The following RNF216 variants were observed in gnomAD, a reference collection of about 807,000 sequenced individuals.
RNF216 encodes E3 ubiquitin-protein ligase RNF216.
Under a neutral mutation model 110.8 loss-of-function variants are expected in RNF216, and 72 were observed. The ratio of observed to expected loss-of-function variants is 0.65; its 90% CI spans 0.54 to 0.79. The LOEUF is 0.79. RNF216 is among the 30% of genes least tolerant of loss of function. The probability of loss-of-function intolerance (pLI) is 0.00; values close to 1 mark genes in which losing one functional copy is unlikely to be tolerated. For synonymous variants in RNF216, 495 were observed against 407.5 expected (o/e 1.21, Z -2.59); for missense variants, 1,342 against 1,141.2 (o/e 1.18, Z -2.54).
At chr7:5,671,825 A>C (rs1478272506) in intron 13 of RNF216, among the ~76,000 whole-genome samples, 1 of 151,116 alleles carries the variant, frequency 6.6e-6, no homozygotes, top group Admixed American at 6.6e-5. Flanking sequence ...AAAAAAAAAA[A>C]AAAAGGACAG....
chr7:5,737,381 C>T (rs1026086417), intron 5 of RNF216, among the ~76,000 whole-genome samples: 56 of 152,270 alleles, frequency 3.7e-4, no homozygotes, highest in African/African-American at 1.3e-3. Context: ...GACACAAACA[C>T]TGCGGAAGAC....
chr7:5,780,446 T>C (rs922816072), intron 1 of RNF216, among the ~76,000 whole-genome samples: 3 of 152,082 alleles, frequency 2.0e-5, no homozygotes, highest in African/African-American at 7.2e-5. Flanking sequence ...GAAAAGACTG[T>C]AGCACTTTGG....
chr7:5,714,133 T>A (rs1458051619), intron 11 of RNF216, among the ~76,000 whole-genome samples: 1 of 152,166 alleles, frequency 6.6e-6, no homozygotes, highest in African/African-American at 2.4e-5. Flanking sequence ...TGGCTAATTT[T>A]TGTATTTTTA....
chr7:5,774,611 C>G (rs944747446), intron 1 of RNF216, among the ~76,000 whole-genome samples: 4 of 151,926 alleles, frequency 2.6e-5, no homozygotes, highest in Non-Finnish European at 5.9e-5. Flanking sequence ...CATTACAAGG[C>G]TATGTTGAAA....
At chr7:5,715,736 CTT>C (rs58929486) in intron 10 of RNF216, among the ~76,000 whole-genome samples, 11 of 113,810 alleles carry the variant, frequency 9.7e-5, no homozygotes, top group African/African-American at 3.3e-4. Flanking sequence ...CCAACTCATT[CTT>C]TTTTTTTTTT....
At chr7:5,725,461 G>T (rs1446288416) in intron 7 of RNF216, 23 bp from the exon 8 acceptor site, 18 of 1,338,852 alleles carry the variant, frequency 1.3e-5, no homozygotes, top group Non-Finnish European at 1.9e-5. Context: ...AAAAGGAAAG[G>T]TTCCTTCTGT....
chr7:5,654,197 G>C (rs1395656115), intron 13 of RNF216, among the ~76,000 whole-genome samples: 1 of 152,200 alleles, frequency 6.6e-6, no homozygotes, highest in African/African-American at 2.4e-5. Flanking sequence ...AAAGGGGACT[G>C]ACTTGAGAGC....
At chr7:5,725,038 C>T (rs1793664194) in intron 8 of RNF216, among the ~76,000 whole-genome samples, 1 of 152,170 alleles carries the variant, frequency 6.6e-6, no homozygotes, top group Non-Finnish European at 1.5e-5. Context: ...AGTTTTTCCC[C>T]CCAAGCTTAA....
In RNF216 at chr7:5,624,190, A is replaced by C; in HGVS notation, c.2383-65T>G. The C allele has an allele frequency of 7.1e-7, 1 of 1,399,522 alleles. No individual in the cohort carries two copies. The highest frequency in any genetic ancestry group is 1.0e-6 in the Non-Finnish European group (1 of 1,000,266). The allele number at this position is 1,399,522 out of a possible 1,614,324, so 86.7% of individuals were successfully genotyped here. ...ATGCAGTGCTGAGGCCCCGTGGGAC[A>C]GTGAGGAGGCCGCTTGTTGCTTATG... On this transcript the variant is annotated intron_variant, in intron 15 of 16. Coordinates refer to ENST00000389902, the MANE Select transcript of RNF216 (RefSeq NM_207111.4). This position sits in a 1 kb window ranked among gnomAD's most constrained non-coding sequence, Gnocchi z 4.4.
At chr7:5,743,504 G>T (rs753867895) in intron 3 of RNF216, among the ~76,000 whole-genome samples, 6 of 152,132 alleles carry the variant, frequency 3.9e-5, no homozygotes, top group Non-Finnish European at 1.5e-5. Flanking sequence ...AGGTAGCTCA[G>T]TCTGTACTGA....
In RNF216 at chr7:5,648,433, T is replaced by C. The variant is rs917232627; in HGVS notation, c.2159+3980A>G. Among the ~76,000 whole-genome samples, 8 of 150,146 alleles carry C rather than the reference T, an allele frequency of 5.3e-5. No individual in the cohort carries two copies. The East Asian group carries it at 1.0e-3, about 19-fold the overall frequency. ...GATCTAAATTTTAATTTATAGAAAA[T>C]TGAAGGGACAGGCCAGGCACGGTGG... is the stretch of plus-strand genomic sequence containing the variant. On this transcript the variant is annotated intron_variant, in intron 14 of 16. Coordinates refer to ENST00000389902, the MANE Select transcript of RNF216 (RefSeq NM_207111.4).
chr7:5,726,196 G>A (rs1467504057), intron 7 of RNF216, among the ~76,000 whole-genome samples: 1 of 152,076 alleles, frequency 6.6e-6, no homozygotes, highest in African/African-American at 2.4e-5. Context: ...ACAATCACTT[G>A]AGCCTGAGAG....
At chr7:5,673,751 C>T (rs887323356) in intron 13 of RNF216, among the ~76,000 whole-genome samples, 1 of 152,132 alleles carries the variant, frequency 6.6e-6, no homozygotes, top group African/African-American at 2.4e-5. Context: ...GTGGTGCGCA[C>T]CTGTAATTCC....
At position 5,660,943 on chromosome 7, in the gene RNF216, G is replaced by GTTTTTTTTTTTTTTTT. The variant is rs1168463360; in HGVS notation, c.2062-8449_2062-8434dup. 6.5e-4 allele frequency among the ~76,000 whole-genome samples: 59 copies of GTTTTTTTTTTTTTTTT among 90,150 alleles called. 2 individuals are homozygous for GTTTTTTTTTTTTTTTT. The highest frequency in any genetic ancestry group is 8.1e-4 in the Non-Finnish European group (41 of 50,450). The allele number at this position is 90,150 out of a possible 152,430, so 59.1% of individuals were successfully genotyped here. ...TAGCTCCATGCTCCTGAAGCCTTAGGTTTTTTTTTTTTTTTTTTTTTTTTT... is the reference window on the plus strand; with the variant it reads ...TAGCTCCATGCTCCTGAAGCCTTAGGTTTTTTTTTTTTTTTTTTTTTTTTTTTTTTTTTTTTTTTTT... On this transcript the variant is annotated intron_variant, in intron 13 of 16. Coordinates refer to ENST00000389902, the MANE Select transcript of RNF216 (RefSeq NM_207111.4).
At chr7:5,717,472 G>C (rs989501355) in intron 9 of RNF216, among the ~76,000 whole-genome samples, 2 of 152,200 alleles carry the variant, frequency 1.3e-5, no homozygotes, top group African/African-American at 4.8e-5. Flanking sequence ...AACCACACTG[G>C]TGGGGCACTG....
At chr7:5,676,993 CA>C (rs2128601759) in intron 13 of RNF216, among the ~76,000 whole-genome samples, 1 of 152,288 alleles carries the variant, frequency 6.6e-6, no homozygotes, top group South Asian at 2.1e-4. Context: ...CAAACCAAAC[CA>C]AAACCCACCA....
At chr7:5,755,803 T>A (rs771343982) in intron 2 of RNF216, among the ~76,000 whole-genome samples, 1 of 152,204 alleles carries the variant, frequency 6.6e-6, no homozygotes, top group Non-Finnish European at 1.5e-5. Context: ...GGATACATTC[T>A]AGGAGTGGAA....
Position 5,729,698 on chromosome 7 carries a change from T to C in RNF216, c.1225-102A>G, listed in dbSNP as rs796167742. ...CATGTGTAGAAAAGAATAACATTTG[T>C]TCTAATTACTCTATAAGGAAGTTAC... is the stretch of plus-strand genomic sequence containing the variant. On this transcript the variant is annotated intron_variant, in intron 6 of 16. Coordinates refer to ENST00000389902, the MANE Select transcript of RNF216 (RefSeq NM_207111.4). The C allele has an allele frequency of 1.2e-4, 119 of 1,016,908 alleles. No individual in the cohort carries two copies. In the African/African-American group the frequency reaches 1.8e-3, roughly 16 times the overall value. The allele number at this position is 1,016,908 out of a possible 1,614,324, so 63.0% of individuals were successfully genotyped here. A position where few individuals can be genotyped will look rare whatever the true frequency, so the allele number is the denominator to read the frequency against.
intron 5 of RNF216, among the ~76,000 whole-genome samples, chr7:5,733,536 T>C (rs2128645875): frequency 6.6e-6 from 1 of 152,212 alleles, no homozygotes; most frequent in Admixed American, 6.5e-5. Flanking sequence ...TAAAAAATAC[T>C]AAAACATGGT....
Sources: allele counts gnomAD v4.1 joint callset (sites outside exome capture counted in the v4.1 genomes callset), GRCh38; gene constraint gnomAD v4.1.1; non-coding constraint Gnocchi (gnomAD v3.1); transcripts MANE v1.5; gene names NCBI Gene and HGNC (gene_info 2026-07-23, HGNC 2026-07-21).